Variants in FER observed in about 807,000 individuals in gnomAD.
The protein encoded by FER is FER tyrosine kinase.
A neutral mutation model predicts 111.0 loss-of-function variants in FER; 63 were observed. The ratio of observed to expected loss-of-function variants is 0.57; its 90% confidence interval spans 0.46 to 0.70. The LOEUF (loss-of-function observed/expected upper bound fraction) is 0.70. FER is among the 30% of genes least tolerant of loss of function. FER has a pLI of 0.00. For synonymous variants in FER, 327 were observed against 313.9 expected, an observed-to-expected ratio of 1.04 and a Z score of -0.44; for missense variants, 914 against 954.0, an observed-to-expected ratio of 0.96 and a Z score of 0.55.
At chr5:108,917,703 G>A (rs1752444544) in intron 10 of FER, among the ~76,000 whole-genome samples, 1 of 152,122 alleles carries the variant, frequency 6.6e-6, no homozygotes, top group Non-Finnish European at 1.5e-5. Flanking sequence ...TGATTAACAG[G>A]AAGTATGAAA....
chr5:109,153,887 A>C (rs1755104373), intron 17 of FER, among the ~76,000 whole-genome samples: 1 of 151,846 alleles, frequency 6.6e-6, no homozygotes, highest in South Asian at 2.1e-4. Flanking sequence ...CTCATCTCAA[A>C]AATAAAGTGA....
intron 16 of FER, among the ~76,000 whole-genome samples, chr5:109,094,247 A>T (rs1383029825): frequency 1.3e-5 from 2 of 152,244 alleles, no homozygotes; most frequent in East Asian, 3.9e-4. Context: ...GTGAAAAGTA[A>T]AATATTGGTT....
chr5:109,156,953 C>T (rs1755463045), intron 17 of FER, among the ~76,000 whole-genome samples: 1 of 151,898 alleles, frequency 6.6e-6, no homozygotes, highest in Non-Finnish European at 1.5e-5. Flanking sequence ...TTTTTTAATG[C>T]TCAGATGCTA....
At chr5:109,145,171 G>A (rs1235076730) in intron 17 of FER, among the ~76,000 whole-genome samples, 1 of 151,750 alleles carries the variant, frequency 6.6e-6, no homozygotes, top group Non-Finnish European at 1.5e-5. Flanking sequence ...TCCCTTCCTG[G>A]TAAACTTTCT....
chr5:108,992,758 C>G lies in FER; in HGVS notation c.1656+33411C>G, dbSNP rs567152933. ...CTTCCCAGACGGGGTGGCTGCCGGG[C>G]GGAGGGGCTCCTCACTTCTCAGACG... On this transcript the variant is annotated intron_variant, in intron 13 of 19. Transcript: ENST00000281092. Among the ~76,000 whole-genome samples the G allele has an allele frequency of 7.1e-3, 1,074 of 150,808 alleles. 13 individuals carry two copies. The highest frequency in any genetic ancestry group is 0.025 in the African/African-American group (1,036 of 40,974).
chr5:109,105,073 G>A (rs540115088), intron 17 of FER, among the ~76,000 whole-genome samples: 1 of 152,194 alleles, frequency 6.6e-6, no homozygotes, highest in South Asian at 2.1e-4. Flanking sequence ...GCTTCATTGG[G>A]AAAACTAATT....
chr5:109,125,052 A>T lies in FER; in HGVS notation c.2048+24533A>T, dbSNP rs757796836. ...CAGAGTGAGACTCTGTCTCAAAAAA[A>T]AAAAAAAAAAAAGAAGAAAGATAGA... On this transcript the variant is annotated intron_variant, in intron 17 of 19. Transcript: ENST00000281092. Among the ~76,000 whole-genome samples the T allele has an allele frequency of 8.7e-4, 132 of 151,678 alleles. 3 individuals are homozygous for T. In the Middle Eastern group the frequency reaches 0.01, roughly 12 times the overall value.
At chr5:108,945,574 C>T (rs139617925) in intron 10 of FER, among the ~76,000 whole-genome samples, 85 of 151,678 alleles carry the variant, frequency 5.6e-4, no homozygotes, top group African/African-American at 2.1e-3. Context: ...TCCTCCCACC[C>T]GCCTTTCTCC....
intron 10 of FER, among the ~76,000 whole-genome samples, chr5:108,926,732 A>T (rs1050907810): frequency 6.6e-5 from 10 of 152,220 alleles, no homozygotes; most frequent in African/African-American, 2.4e-4. Flanking sequence ...AGACATACAT[A>T]TTCAGTCACA....
chr5:109,121,590 G>A (rs1392144263), intron 17 of FER, among the ~76,000 whole-genome samples: 1 of 152,090 alleles, frequency 6.6e-6, no homozygotes, highest in African/African-American at 2.4e-5. Context: ...TTAGTATCAG[G>A]TTAATAGTGG....
intron 11 of FER, among the ~76,000 whole-genome samples, chr5:108,949,249 C>G (rs1034501739): frequency 1.3e-5 from 2 of 151,930 alleles, no homozygotes; most frequent in African/African-American, 4.8e-5. Flanking sequence ...TTTTAGTGTT[C>G]TCCTTTGAGT....
chr5:108,796,335 A>C (rs1234356626), intron 2 of FER, among the ~76,000 whole-genome samples: 1 of 152,182 alleles, frequency 6.6e-6, no homozygotes, highest in African/African-American at 2.4e-5. Flanking sequence ...AAGCCAGCGC[A>C]GCACTGGGTC....
intron 1 of FER, among the ~76,000 whole-genome samples, chr5:108,767,066 C>T (rs559241280): frequency 2.6e-5 from 4 of 152,162 alleles, no homozygotes; most frequent in African/African-American, 7.2e-5. Flanking sequence ...TTTGGGAGGC[C>T]GAGATGGGTG....
At chr5:108,801,097 A>G (rs1756597452) in intron 3 of FER, among the ~76,000 whole-genome samples, 2 of 152,198 alleles carry the variant, frequency 1.3e-5, no homozygotes, top group Admixed American at 1.3e-4. Context: ...TGCCTGTGTT[A>G]TCATCTGGAA....
chr5:109,187,061 C>G lies in FER; in HGVS notation c.2327-372C>G, dbSNP rs542102646. ...TTATAAAATCCTCATATTGAATTCACATTTATAAAATCCTCATCTTCTCTT... is the reference window on the plus strand; with the variant it reads ...TTATAAAATCCTCATATTGAATTCAGATTTATAAAATCCTCATCTTCTCTT... On this transcript the variant is annotated intron_variant, in intron 19 of 19. Transcript: ENST00000281092. Among the ~76,000 whole-genome samples, 10 of 152,202 alleles carry G rather than the reference C, an allele frequency of 6.6e-5. No homozygotes were observed. The East Asian group carries it at 1.2e-3, about 18-fold the overall frequency.
At chr5:108,949,151 G>T (rs188071602) in intron 11 of FER, among the ~76,000 whole-genome samples, 1 of 152,192 alleles carries the variant, frequency 6.6e-6, no homozygotes, top group Non-Finnish European at 1.5e-5. Flanking sequence ...TTGTACATCA[G>T]TTGTAATATA....
Position 109,052,368 on chromosome 5 carries a change from GA to G in FER, c.1924+5174del. On this transcript the variant is annotated intron_variant, in intron 16 of 19. Transcript: ENST00000281092. ...TCTTCAGCAGCAGGATTTGGAAAAT[GA>G]AAAGTACTGACAGCCACACCTTCCC... The G allele has an allele frequency of 3.2e-6, 5 of 1,580,170 alleles. No individual in the cohort carries two copies. In the Admixed American group the frequency reaches 8.3e-5, roughly 26 times the overall value.
intron 4 of FER, among the ~76,000 whole-genome samples, chr5:108,833,346 G>A (rs1275266410): frequency 1.3e-5 from 2 of 151,840 alleles, no homozygotes; most frequent in African/African-American, 4.8e-5. Context: ...CCCTACATTC[G>A]GAGTCTGTCT....
chr5:109,120,230 G>A (rs1192469497), intron 17 of FER, among the ~76,000 whole-genome samples: 1 of 152,114 alleles, frequency 6.6e-6, no homozygotes, highest in Non-Finnish European at 1.5e-5. Context: ...CGGTTTCACA[G>A]ACTAAAGTCT....
Sources: allele counts gnomAD v4.1 joint callset (sites outside exome capture counted in the v4.1 genomes callset), GRCh38; gene constraint gnomAD v4.1.1; transcripts MANE v1.5; gene names NCBI Gene and HGNC (gene_info 2026-07-23, HGNC 2026-07-21).